Variants in CAST observed in about 807,000 individuals in gnomAD.
The protein encoded by CAST is calpastatin, also known as MIR583 host.
In CAST, 76 loss-of-function variants were observed where a neutral mutation model predicts 119.6. The ratio of observed to expected loss-of-function variants is 0.64; its 90% CI spans 0.53 to 0.77. The LOEUF (loss-of-function observed/expected upper bound fraction) is 0.77. CAST is among the 30% of genes least tolerant of loss of function. The probability of loss-of-function intolerance (pLI) is 0.00; values close to 1 mark genes in which losing one functional copy is unlikely to be tolerated. For synonymous variants in CAST, 319 were observed against 331.6 expected, an observed-to-expected ratio of 0.96 and a Z score of 0.41; for missense variants, 953 against 946.5, an observed-to-expected ratio of 1.01 and a Z score of -0.09.
the CAST span, among the ~76,000 whole-genome samples, chr5:96,503,779 C>A: frequency 1.3e-5 from 2 of 152,182 alleles, no homozygotes; most frequent in African/African-American, 2.4e-5. Flanking sequence ...CTCCACCATG[C>A]TTTTATCCCA....
chr5:96,173,897 A>G, the CAST span, among the ~76,000 whole-genome samples: 1 of 152,030 alleles, frequency 6.6e-6, no homozygotes, highest in East Asian at 1.9e-4. Context: ...GCCCGCCACC[A>G]CGCCCGGCTA....
the CAST span, among the ~76,000 whole-genome samples, chr5:96,211,940 A>C: frequency 6.6e-6 from 1 of 152,070 alleles, no homozygotes; most frequent in Non-Finnish European, 1.5e-5. Flanking sequence ...GTATTCCCAT[A>C]TTATCTTTTT....
the CAST span, among the ~76,000 whole-genome samples, chr5:96,099,381 G>C: frequency 6.6e-6 from 1 of 152,168 alleles, no homozygotes; most frequent in Non-Finnish European, 1.5e-5. Flanking sequence ...AGTGGTGAGA[G>C]AGGGCATCTT....
chr5:96,242,512 C>A, the CAST span, among the ~76,000 whole-genome samples: 1 of 152,170 alleles, frequency 6.6e-6, no homozygotes, highest in African/African-American at 2.4e-5. Flanking sequence ...TGTCATGGAG[C>A]CTCCAGCTAT....
chr5:96,156,825 G>C, the CAST span, among the ~76,000 whole-genome samples: 2 of 152,094 alleles, frequency 1.3e-5, no homozygotes, highest in Non-Finnish European at 2.9e-5. Flanking sequence ...TTCCCCCAGG[G>C]GGCAAAATCC....
the CAST span, among the ~76,000 whole-genome samples, chr5:96,375,879 T>G: frequency 6.9e-6 from 1 of 145,778 alleles, no homozygotes; most frequent in African/African-American, 2.6e-5. Flanking sequence ...ACTAATTGCT[T>G]AAAATAAATC....
intron 6 of CAST, 77 bp downstream of exon 6, chr5:96,727,607 A>G: frequency 4.2e-6 from 4 of 950,520 alleles, no homozygotes; most frequent in East Asian, 5.1e-5. Context: ...CTGCCTTGGC[A>G]CAGCTGTGAA....
At chr5:96,176,659 C>T in the CAST span, among the ~76,000 whole-genome samples, 1 of 152,332 alleles carries the variant, frequency 6.6e-6, no homozygotes, top group Non-Finnish European at 1.5e-5. Context: ...CATACTTTCA[C>T]TTTTCTGAGT....
the CAST span, among the ~76,000 whole-genome samples, chr5:96,000,712 A>G: frequency 6.6e-6 from 1 of 152,160 alleles, no homozygotes; most frequent in Non-Finnish European, 1.5e-5. Flanking sequence ...AGACCTATAT[A>G]TGTTAGCCTA....
intron 1 of CAST, among the ~76,000 whole-genome samples, chr5:96,646,188 AT>A (rs1748013002): frequency 6.6e-6 from 1 of 152,210 alleles, no homozygotes; most frequent in Non-Finnish European, 1.5e-5. Context: ...TGGTGCAAAA[AT>A]TTTGGTTGGT....
the CAST span, among the ~76,000 whole-genome samples, chr5:96,418,942 C>T: frequency 1.3e-5 from 2 of 152,116 alleles, no homozygotes; most frequent in African/African-American, 4.8e-5. Flanking sequence ...AGGTCTACCT[C>T]AGTTACTAAA....
the CAST span, among the ~76,000 whole-genome samples, chr5:96,124,203 T>A: frequency 6.6e-6 from 1 of 152,242 alleles, no homozygotes; most frequent in African/African-American, 2.4e-5. Context: ...CTTTCAGTGA[T>A]GGGGTCTGGC....
At chr5:96,684,818 C>T (rs959170871) in intron 2 of CAST, among the ~76,000 whole-genome samples, 8 of 152,074 alleles carry the variant, frequency 5.3e-5, no homozygotes, top group Non-Finnish European at 8.8e-5. Flanking sequence ...GATCTGCCCA[C>T]CTTGGACTCC....
chr5:96,040,875 G>A, the CAST span, among the ~76,000 whole-genome samples: 1 of 152,120 alleles, frequency 6.6e-6, no homozygotes, highest in Non-Finnish European at 1.5e-5. Context: ...TCAGGATGTT[G>A]CTGACCTCAT....
the CAST span, among the ~76,000 whole-genome samples, chr5:96,065,665 G>T: frequency 6.6e-6 from 1 of 152,040 alleles, no homozygotes; most frequent in South Asian, 2.1e-4. Context: ...AGCATATTTG[G>T]TATACAAAGT....
At chr5:96,405,610 G>A in the CAST span, among the ~76,000 whole-genome samples, 1 of 152,196 alleles carries the variant, frequency 6.6e-6, no homozygotes, top group Non-Finnish European at 1.5e-5. Flanking sequence ...GGTTGAGGTT[G>A]CAGTGAGCCG....
chr5:96,515,383 A>G, the CAST span, among the ~76,000 whole-genome samples: 1 of 151,844 alleles, frequency 6.6e-6, no homozygotes, highest in Admixed American at 6.6e-5. Context: ...GATAAATGGC[A>G]CAACAGCAGT....
chr5:96,642,831 G>A (rs943028684), intron 1 of CAST, among the ~76,000 whole-genome samples: 1 of 152,088 alleles, frequency 6.6e-6, no homozygotes, highest in African/African-American at 2.4e-5. Flanking sequence ...TTACAGGTGT[G>A]AGCCACCACG....
chr5:96,393,184 G>A, the CAST span: 1 of 1,614,168 alleles, frequency 6.2e-7, no homozygotes, highest in Non-Finnish European at 8.5e-7. Flanking sequence ...AAGGGATGTT[G>A]AGCTTTGCAC....
Sources: allele counts gnomAD v4.1 joint callset (sites outside exome capture counted in the v4.1 genomes callset), GRCh38; gene constraint gnomAD v4.1.1; transcripts MANE v1.5; gene names NCBI Gene and HGNC (gene_info 2026-07-23, HGNC 2026-07-21).